Variants in ZC3H12B observed in about 807,000 individuals in gnomAD.
The protein encoded by ZC3H12B is zinc finger CCCH-type containing 12B.
A neutral mutation model predicts 43.9 loss-of-function variants in ZC3H12B; 7 were observed. That is an observed-to-expected ratio of 0.16 (90% CI 0.09 to 0.30). The LOEUF (loss-of-function observed/expected upper bound fraction) is 0.30. Among genes scored for constraint, ZC3H12B ranks in the 10% least tolerant of loss-of-function variants. The probability of loss-of-function intolerance (pLI) is 1.00; values close to 1 mark genes in which losing one functional copy is unlikely to be tolerated. For synonymous variants in ZC3H12B, 222 were observed against 241.7 expected, an observed-to-expected ratio of 0.92 and a Z score of 0.76; for missense variants, 475 against 670.2, an observed-to-expected ratio of 0.71 and a Z score of 3.22.
chrX:65,116,660 C>A, the ZC3H12B span, among the ~76,000 whole-genome samples: 2 of 110,011 alleles, frequency 1.8e-5, no homozygotes, highest in East Asian at 5.7e-4. Context: ...TGGTGTGCTA[C>A]ACCTGTTAAC....
the ZC3H12B span, among the ~76,000 whole-genome samples, chrX:65,241,467 T>A: frequency 9.3e-6 from 1 of 107,899 alleles, no homozygotes; most frequent in Non-Finnish European, 1.9e-5. Flanking sequence ...GGGGGCTTCA[T>A]CCCTGGAAGA....
chrX:65,348,048 A>G, the ZC3H12B span, among the ~76,000 whole-genome samples: 3 of 109,427 alleles, frequency 2.7e-5, no homozygotes, highest in African/African-American at 1.0e-4. Flanking sequence ...ACACTTGGAC[A>G]CAGGAAGGGG....
At chrX:65,239,441 CTTTAT>C in the ZC3H12B span, among the ~76,000 whole-genome samples, 15 of 108,858 alleles carry the variant, frequency 1.4e-4, no homozygotes, top group East Asian at 2.6e-3. Flanking sequence ...TCCTCCATCC[CTTTAT>C]TTTGAGTTTA....
At chrX:65,082,160 T>C in the ZC3H12B span, among the ~76,000 whole-genome samples, 1 of 110,944 alleles carries the variant, frequency 9.0e-6, no homozygotes, top group Non-Finnish European at 1.9e-5. Flanking sequence ...AGTGTCTACA[T>C]CAAAAAGGAG....
the ZC3H12B span, among the ~76,000 whole-genome samples, chrX:65,214,470 G>T: frequency 9.0e-6 from 1 of 111,337 alleles, no homozygotes; most frequent in Admixed American, 9.7e-5. Context: ...ATTTTTACCA[G>T]GAGTAGATTC....
the ZC3H12B span, among the ~76,000 whole-genome samples, chrX:65,084,096 C>CA: frequency 8.9e-6 from 1 of 111,746 alleles, no homozygotes; most frequent in Admixed American, 9.5e-5. Context: ...TTGCCATATA[C>CA]AAAAATCAAA....
chrX:65,330,435 C>T, the ZC3H12B span, among the ~76,000 whole-genome samples: 33 of 111,243 alleles, frequency 3.0e-4, no homozygotes, highest in South Asian at 0.01. Flanking sequence ...GAACTTCCAA[C>T]ACTATGTTGA....
the ZC3H12B span, among the ~76,000 whole-genome samples, chrX:65,235,411 A>G: frequency 9.0e-6 from 1 of 111,703 alleles, no homozygotes; most frequent in Non-Finnish European, 1.9e-5. Context: ...ATCCTACCTC[A>G]TTGTGGTTTT....
chrX:65,466,362 C>T (rs1264011490), intron 3 of ZC3H12B, among the ~76,000 whole-genome samples: 1 of 110,349 alleles, frequency 9.1e-6, no homozygotes, highest in Non-Finnish European at 1.9e-5. Flanking sequence ...AACAATATTC[C>T]ATTATATATC....
chrX:65,263,330 A>T, the ZC3H12B span, among the ~76,000 whole-genome samples: 1 of 111,155 alleles, frequency 9.0e-6, no homozygotes, highest in South Asian at 3.7e-4. Flanking sequence ...TAAAAGAGGG[A>T]TGGTTAATTG....
At chrX:65,377,463 G>A (rs1213499378) in intron 2 of ZC3H12B, among the ~76,000 whole-genome samples, 1 of 110,094 alleles carries the variant, frequency 9.1e-6, no homozygotes, top group Non-Finnish European at 1.9e-5. Context: ...CTACCCCAAG[G>A]CACTTAATAA....
chrX:65,405,917 A>G (rs2066815918), intron 3 of ZC3H12B, among the ~76,000 whole-genome samples: 1 of 111,703 alleles, frequency 9.0e-6, no homozygotes, highest in Non-Finnish European at 1.9e-5. Flanking sequence ...ATTTCTAGGT[A>G]CATACAACCT....
the ZC3H12B span, among the ~76,000 whole-genome samples, chrX:65,146,256 T>G: frequency 9.0e-6 from 1 of 111,705 alleles, no homozygotes; most frequent in African/African-American, 3.3e-5. Context: ...GTGCTTTATT[T>G]TACAGGTATA....
chrX:65,148,492 G>A, the ZC3H12B span, among the ~76,000 whole-genome samples: 1 of 111,305 alleles, frequency 9.0e-6, no homozygotes, highest in Admixed American at 9.5e-5. Flanking sequence ...GTTGACATGC[G>A]TCTGGAGACC....
At chrX:65,450,962 T>A (rs1338236199) in intron 3 of ZC3H12B, among the ~76,000 whole-genome samples, 1 of 101,631 alleles carries the variant, frequency 9.8e-6, no homozygotes, top group Non-Finnish European at 2.0e-5. Flanking sequence ...TGAAAAGCAA[T>A]AGTATTAATT....
the ZC3H12B span, among the ~76,000 whole-genome samples, chrX:65,193,109 G>T: frequency 2.1e-5 from 2 of 97,218 alleles, no homozygotes; most frequent in Non-Finnish European, 4.1e-5. Context: ...TGGCCTGAAG[G>T]TTTTTTTTTT....
At chrX:65,470,982 G>A (rs1297932486) in intron 3 of ZC3H12B, among the ~76,000 whole-genome samples, 1 of 111,680 alleles carries the variant, frequency 9.0e-6, no homozygotes, top group Non-Finnish European at 1.9e-5. Context: ...TCCATGTGCT[G>A]ATGAGAAGAA....
chrX:65,180,584 A>G, the ZC3H12B span, among the ~76,000 whole-genome samples: 1 of 111,767 alleles, frequency 8.9e-6, no homozygotes, highest in Non-Finnish European at 1.9e-5. Context: ...TACAGAATCA[A>G]TGTGCAAAAA....
At chrX:65,384,082 C>G (rs766514879) in intron 2 of ZC3H12B, among the ~76,000 whole-genome samples, 3 of 101,164 alleles carry the variant, frequency 3.0e-5, no homozygotes, top group African/African-American at 1.1e-4. Context: ...ATGTTTATTG[C>G]GGCATGATTC....
Sources: gnomAD v4.1 joint callset for allele counts (sites outside exome capture counted in the v4.1 genomes callset) on GRCh38, gnomAD v4.1.1 for gene constraint, MANE v1.5 for transcripts, NCBI Gene and HGNC (gene_info 2026-07-23, HGNC 2026-07-21) for gene names.